Variants in PRKG1 observed in about 807,000 individuals in gnomAD.
PRKG1 encodes cGMP-dependent protein kinase 1.
Under a neutral mutation model 88.1 loss-of-function variants are expected in PRKG1, and 35 were observed. The ratio of observed to expected loss-of-function variants is 0.40; its 90% confidence interval spans 0.30 to 0.53. The LOEUF (loss-of-function observed/expected upper bound fraction) is 0.53, where lower values mean the gene tolerates loss of function less well. PRKG1 is among the 20% of genes least tolerant of loss of function. The pLI, the probability that PRKG1 is intolerant of heterozygous loss-of-function variation, is 0.59. For missense variants in PRKG1, 540 were observed against 839.8 expected (o/e 0.64, Z 4.41); for synonymous variants, 303 against 292.5 (o/e 1.04, Z -0.37).
At chr10:51,556,787 G>A (rs1236623981) in intron 3 of PRKG1, among the ~76,000 whole-genome samples, 1 of 151,914 alleles carries the variant, frequency 6.6e-6, no homozygotes, top group East Asian at 1.9e-4. Context: ...GTCACTACCT[G>A]GGCAACAGGA....
intron 3 of PRKG1, among the ~76,000 whole-genome samples, chr10:51,632,975 T>C (rs1022232508): frequency 9.2e-5 from 14 of 152,240 alleles, no homozygotes; most frequent in Admixed American, 1.3e-4. Flanking sequence ...TTAGAGATTA[T>C]GTCCAATGTA....
intron 3 of PRKG1, among the ~76,000 whole-genome samples, chr10:51,665,085 T>C (rs928127872): frequency 1.3e-5 from 2 of 152,166 alleles, no homozygotes; most frequent in Non-Finnish European, 2.9e-5. Flanking sequence ...CTCTTACTTT[T>C]CATTATTAAC....
At chr10:51,114,446 T>TGTGTGTGA in intron 1 of PRKG1, among the ~76,000 whole-genome samples, 1 of 151,872 alleles carries the variant, frequency 6.6e-6, no homozygotes, top group Middle Eastern at 3.4e-3. Flanking sequence ...TCTGTGTGTG[T>TGTGTGTGA]GTGTGTGGAT....
At chr10:52,199,744 C>T (rs567750399) in intron 9 of PRKG1, among the ~76,000 whole-genome samples, 11 of 152,252 alleles carry the variant, frequency 7.2e-5, no homozygotes, top group Non-Finnish European at 1.5e-4. Flanking sequence ...ACCTCACATG[C>T]ATAAGGGAGA....
chr10:51,323,877 A>T (rs1841515610), intron 2 of PRKG1, among the ~76,000 whole-genome samples: 1 of 152,184 alleles, frequency 6.6e-6, no homozygotes, highest in South Asian at 2.1e-4. Flanking sequence ...GCTTGAGCCC[A>T]GGAGTTTGAG....
intron 4 of PRKG1, among the ~76,000 whole-genome samples, chr10:51,855,130 G>A (rs1185997626): frequency 1.3e-5 from 2 of 152,180 alleles, no homozygotes; most frequent in African/African-American, 4.8e-5. Context: ...ACTTTTAGTA[G>A]CACATTGTTT....
chr10:52,171,048 T>G (rs1402122782), intron 9 of PRKG1, among the ~76,000 whole-genome samples: 11 of 150,560 alleles, frequency 7.3e-5, no homozygotes, highest in Non-Finnish European at 1.5e-4. Context: ...ACAGGAAGTT[T>G]CTAAATGCAC....
At chr10:51,242,998 T>A (rs1343992446) in intron 2 of PRKG1, among the ~76,000 whole-genome samples, 1 of 152,170 alleles carries the variant, frequency 6.6e-6, no homozygotes, top group Non-Finnish European at 1.5e-5. Flanking sequence ...TTTCTGTGAA[T>A]GTTTCACTAG....
At chr10:51,308,961 G>T (rs1187033405) in intron 2 of PRKG1, among the ~76,000 whole-genome samples, 1 of 152,076 alleles carries the variant, frequency 6.6e-6, no homozygotes, top group Non-Finnish European at 1.5e-5. Context: ...TGTAGAGAAA[G>T]CTGGAAAGTG....
At chr10:52,207,289 G>A (rs890239346) in intron 9 of PRKG1, among the ~76,000 whole-genome samples, 1 of 152,118 alleles carries the variant, frequency 6.6e-6, no homozygotes, top group Admixed American at 6.5e-5. Flanking sequence ...GTCTGCTAGG[G>A]CTCTCGGATG....
At chr10:52,046,802 G>A (rs909514404) in intron 5 of PRKG1, 10 of 152,106 alleles carry the variant, frequency 6.6e-5, no homozygotes, top group African/African-American at 2.4e-4. Context: ...CATAAATAAT[G>A]TTGGTTTAAT....
chr10:51,000,186 G>T (rs1394547574), intron 1 of PRKG1, among the ~76,000 whole-genome samples: 1 of 152,068 alleles, frequency 6.6e-6, no homozygotes, highest in African/African-American at 2.4e-5. Flanking sequence ...GTAAATAATG[G>T]CTTAAAAATC....
At chr10:51,383,754 A>G (rs1174813371) in intron 2 of PRKG1, among the ~76,000 whole-genome samples, 1 of 152,100 alleles carries the variant, frequency 6.6e-6, no homozygotes, top group Non-Finnish European at 1.5e-5. Flanking sequence ...TGGACCTCAC[A>G]TGTTATTCAG....
chr10:51,597,510 G>A (rs1838484162), intron 3 of PRKG1, among the ~76,000 whole-genome samples: 1 of 152,092 alleles, frequency 6.6e-6, no homozygotes, highest in Non-Finnish European at 1.5e-5. Flanking sequence ...ATATCTCTTG[G>A]CATATCTCAT....
chr10:51,243,438 C>T (rs768040245), intron 2 of PRKG1, among the ~76,000 whole-genome samples: 35 of 152,148 alleles, frequency 2.3e-4, no homozygotes, highest in Non-Finnish European at 4.9e-4. Context: ...CATTTCCTGG[C>T]ATTGCTCTGG....
chr10:51,393,083 G>C (rs1439117751), intron 2 of PRKG1, among the ~76,000 whole-genome samples: 1 of 59,354 alleles, frequency 1.7e-5, no homozygotes, highest in East Asian at 3.1e-4. Flanking sequence ...CCGGGCGGAG[G>C]GGCTCCTCAC....
chr10:51,928,848 C>T (rs1343290606), intron 5 of PRKG1, among the ~76,000 whole-genome samples: 1 of 152,076 alleles, frequency 6.6e-6, no homozygotes, highest in Non-Finnish European at 1.5e-5. Context: ...ACACAGCCTT[C>T]GCAATTATAT....
chr10:51,641,176 T>G (rs954734016), intron 3 of PRKG1, among the ~76,000 whole-genome samples: 1 of 152,146 alleles, frequency 6.6e-6, no homozygotes, highest in Non-Finnish European at 1.5e-5. Flanking sequence ...CATCCAGAAG[T>G]GACTGGGGAG....
chr10:51,177,913 G>A (rs1395466865), intron 2 of PRKG1, among the ~76,000 whole-genome samples: 1 of 151,564 alleles, frequency 6.6e-6, no homozygotes, highest in African/African-American at 2.4e-5. Context: ...TATAACCATA[G>A]TGCCCACAAC....
Sources: allele counts gnomAD v4.1 joint callset (sites outside exome capture counted in the v4.1 genomes callset), GRCh38; gene constraint gnomAD v4.1.1; transcripts MANE v1.5; gene names NCBI Gene and HGNC (gene_info 2026-07-23, HGNC 2026-07-21).